TMEM132D: variants seen among roughly 807,000 people sequenced by gnomAD.
The protein encoded by TMEM132D is transmembrane protein 132D.
A neutral mutation model predicts 62.3 loss-of-function variants in TMEM132D; 21 were observed. That is an observed-to-expected ratio of 0.34 (90% CI 0.24 to 0.49). The LOEUF is 0.49. TMEM132D is among the 20% of genes least tolerant of loss of function. The pLI, the probability that TMEM132D is intolerant of heterozygous loss-of-function variation, is 0.99. For synonymous variants in TMEM132D, 621 were observed against 575.6 expected, an observed-to-expected ratio of 1.08 and a Z score of -1.13; for missense variants, 1,346 against 1,402.8, an observed-to-expected ratio of 0.96 and a Z score of 0.65.
chr12:129,417,843 A>C (rs1418280954), intron 3 of TMEM132D, among the ~76,000 whole-genome samples: 1 of 152,206 alleles, frequency 6.6e-6, no homozygotes, highest in African/African-American at 2.4e-5. Flanking sequence ...AAGGAACCTA[A>C]ACAAATTTAC....
chr12:129,795,073 G>A (rs1555232132), intron 1 of TMEM132D, among the ~76,000 whole-genome samples: 1 of 148,002 alleles, frequency 6.8e-6, no homozygotes, highest in Non-Finnish European at 1.5e-5. Context: ...GAGGTTGATT[G>A]ACTATTTCAT....
chr12:129,871,169 T>C (rs1183574521), intron 1 of TMEM132D, among the ~76,000 whole-genome samples: 2 of 152,184 alleles, frequency 1.3e-5, no homozygotes, highest in Non-Finnish European at 2.9e-5. Context: ...AAAATTAATA[T>C]GGAACTAAAC....
chr12:129,096,364 A>G (rs1040472088), intron 5 of TMEM132D, among the ~76,000 whole-genome samples: 1 of 152,002 alleles, frequency 6.6e-6, no homozygotes, highest in African/African-American at 2.4e-5. Flanking sequence ...AGGCCGTGAT[A>G]TCTGTGAAGG....
chr12:129,081,901 A>C lies in TMEM132D; in HGVS notation c.1781T>G (p.Leu594Arg), dbSNP rs2135616369. 6.2e-7 allele frequency: 1 copy of C among 1,614,066 alleles called. No individual in the cohort carries two copies. The change falls in exon 7 of 9, where the codon CTG becomes CGG. Residue 594 changes from leucine (L) to arginine (R), a missense_variant. Transcript: ENST00000422113. ...CCAGTCTGAGCCCAGCAGGTGGGCC[A>C]GGTGTCCCCCAGGGCCGGCCGCCTC... The part of the protein sequence containing the change: ...VAEAAGPGGH[L>R]AHLLGSDWQV...
Position 129,167,121 on chromosome 12 carries a change from C to T in TMEM132D, c.1443+42399G>A, listed in dbSNP as rs1240042664. Among the ~76,000 whole-genome samples the T allele has an allele frequency of 1.1e-4, 16 of 149,400 alleles. No homozygotes were observed. The Admixed American group carries it at 1.1e-3, about 10-fold the overall frequency. On this transcript the variant is annotated intron_variant, in intron 5 of 8. Coordinates refer to ENST00000422113, the MANE Select transcript of TMEM132D (RefSeq NM_133448.3). ...GTTGCAGTGAGCTGAGATCATGTCA[C>T]TACACTCCAGCCTGGGTGATAGAGT... is the stretch of plus-strand genomic sequence containing the variant.
chr12:129,593,835 T>C (rs901925517), intron 2 of TMEM132D, among the ~76,000 whole-genome samples: 33 of 107,440 alleles, frequency 3.1e-4, no homozygotes, highest in Admixed American at 8.6e-5. Flanking sequence ...TCTTGACATG[T>C]ATTTTTTTTA....
At chr12:129,333,886 C>T (rs1386357935) in intron 4 of TMEM132D, among the ~76,000 whole-genome samples, 4 of 152,144 alleles carry the variant, frequency 2.6e-5, no homozygotes, top group South Asian at 2.1e-4. Context: ...TTTGGGAAGC[C>T]GAGGCAGGTG....
At chr12:129,237,239 G>T (rs995976656) in intron 4 of TMEM132D, among the ~76,000 whole-genome samples, 1 of 152,022 alleles carries the variant, frequency 6.6e-6, no homozygotes, top group African/African-American at 2.4e-5. Flanking sequence ...AAAAGTAAAA[G>T]AATTCTTATT....
intron 4 of TMEM132D, among the ~76,000 whole-genome samples, chr12:129,308,670 G>T (rs937281884): frequency 1.3e-5 from 2 of 152,092 alleles, no homozygotes; most frequent in Non-Finnish European, 2.9e-5. Context: ...ATTCTTAAAT[G>T]AATACTAAAA....
chr12:129,458,801 T>C (rs7972968), intron 3 of TMEM132D, among the ~76,000 whole-genome samples: 148,754 of 152,258 alleles, frequency 0.98, 72,765 homozygotes, highest in East Asian at 1. Context: ...AATCAGCTCT[T>C]GATTTCTGAC....
chr12:129,781,416 A>T (rs970814980), intron 1 of TMEM132D, among the ~76,000 whole-genome samples: 3 of 152,204 alleles, frequency 2.0e-5, no homozygotes, highest in African/African-American at 4.8e-5. Context: ...TGATTGTAAC[A>T]TATTTCAAAG....
intron 7 of TMEM132D, among the ~76,000 whole-genome samples, chr12:129,079,184 C>A (rs149830710): frequency 3.4e-3 from 521 of 152,342 alleles, no homozygotes; most frequent in Non-Finnish European, 5.8e-3. Flanking sequence ...ATATTGATAG[C>A]TTTCGCTCTT....
At chr12:129,896,666 AC>A (rs970129017) in intron 1 of TMEM132D, among the ~76,000 whole-genome samples, 1 of 152,118 alleles carries the variant, frequency 6.6e-6, no homozygotes, top group African/African-American at 2.4e-5. Context: ...AAAGTTAAAC[AC>A]TTTTTTGGAA....
chr12:129,838,355 A>C (rs1487310989), intron 1 of TMEM132D, among the ~76,000 whole-genome samples: 1 of 152,222 alleles, frequency 6.6e-6, no homozygotes, highest in East Asian at 1.9e-4. Flanking sequence ...GTCTAGATGC[A>C]ATTTGAGAGA....
intron 4 of TMEM132D, among the ~76,000 whole-genome samples, chr12:129,237,121 G>A (rs1051219583): frequency 6.6e-6 from 1 of 152,102 alleles, no homozygotes; most frequent in African/African-American, 2.4e-5. Context: ...ATTGAATACA[G>A]TTTGCTAGTA....
chr12:129,901,415 C>T (rs1209728532), intron 1 of TMEM132D, among the ~76,000 whole-genome samples: 1 of 152,178 alleles, frequency 6.6e-6, no homozygotes, highest in Non-Finnish European at 1.5e-5. Flanking sequence ...CATATTGTGA[C>T]TAATCCTGAA....
chr12:129,902,745 G>GC (rs138054360), intron 1 of TMEM132D, among the ~76,000 whole-genome samples: 1 of 151,876 alleles, frequency 6.6e-6, no homozygotes, highest in African/African-American at 2.4e-5. Flanking sequence ...CTTCAGAGCC[G>GC]CCCCCCAGGC....
At chr12:129,282,807 T>G (rs7972567) in intron 4 of TMEM132D, among the ~76,000 whole-genome samples, 3,747 of 152,264 alleles carry the variant, frequency 0.025, 142 homozygotes, top group African/African-American at 0.082. Context: ...TTGGAGGACA[T>G]AGCCAAAAGC....
At chr12:129,539,307 C>T (rs573818122) in intron 2 of TMEM132D, among the ~76,000 whole-genome samples, 1 of 151,562 alleles carries the variant, frequency 6.6e-6, no homozygotes. Flanking sequence ...CCTCGGCTCA[C>T]TGCAACCTCT....
Sources: gnomAD v4.1 joint callset for allele counts (sites outside exome capture counted in the v4.1 genomes callset) on GRCh38, gnomAD v4.1.1 for gene constraint, MANE v1.5 for transcripts, NCBI Gene and HGNC (gene_info 2026-07-23, HGNC 2026-07-21) for gene names.